Variants in ADAMTSL1 observed in about 807,000 individuals in gnomAD.
The protein encoded by ADAMTSL1 is ADAMTS like 1.
Under a neutral mutation model 201.8 loss-of-function variants are expected in ADAMTSL1, and 126 were observed. The ratio of observed to expected loss-of-function variants is 0.62; its 90% CI spans 0.54 to 0.72. The LOEUF (loss-of-function observed/expected upper bound fraction) is 0.72. Ranked by LOEUF, ADAMTSL1 falls within the 30% of genes least tolerant of loss-of-function variation. The probability of loss-of-function intolerance (pLI) is 0.00; values close to 1 mark genes in which losing one functional copy is unlikely to be tolerated. For missense variants in ADAMTSL1, 2,679 were observed against 2,277.8 expected (o/e 1.18, Z -3.59); for synonymous variants, 1,121 against 903.4 (o/e 1.24, Z -4.32).
At chr9:18,527,400 C>T (rs991675806) in intron 2 of ADAMTSL1, among the ~76,000 whole-genome samples, 1 of 152,090 alleles carries the variant, frequency 6.6e-6, no homozygotes, top group African/African-American at 2.4e-5. Context: ...ATAAGTCTGG[C>T]TATGTCACCA....
chr9:18,112,258 C>A (rs1035415997), intron 1 of ADAMTSL1, among the ~76,000 whole-genome samples: 11 of 152,116 alleles, frequency 7.2e-5, no homozygotes, highest in African/African-American at 2.4e-4. Context: ...CTTAGTCCAT[C>A]TGAGTTCACC....
chr9:18,053,752 T>TA (rs1822046556), intron 1 of ADAMTSL1, among the ~76,000 whole-genome samples: 1 of 152,208 alleles, frequency 6.6e-6, no homozygotes, highest in Non-Finnish European at 1.5e-5. Context: ...GGCTCCGAGT[T>TA]TACTGAGCAC....
chr9:18,228,986 G>A (rs1024880964), intron 2 of ADAMTSL1, among the ~76,000 whole-genome samples: 5 of 151,318 alleles, frequency 3.3e-5, no homozygotes, highest in African/African-American at 7.3e-5. Flanking sequence ...TTCTCTTCAC[G>A]CGCTTGATAT....
At chr9:18,038,409 GGC>G (rs1162707963) in intron 1 of ADAMTSL1, among the ~76,000 whole-genome samples, 1 of 151,970 alleles carries the variant, frequency 6.6e-6, no homozygotes, top group East Asian at 1.9e-4. Flanking sequence ...AAATCAAGAA[GGC>G]CCTAACCTCC....
chr9:18,472,449 G>T (rs1821252456), upstream of ADAMTSL1, among the ~76,000 whole-genome samples: 1 of 152,058 alleles, frequency 6.6e-6, no homozygotes, highest in Admixed American at 6.6e-5. Context: ...CATTTTTCTA[G>T]GTCCACATAC....
intron 17 of ADAMTSL1, among the ~76,000 whole-genome samples, chr9:18,772,607 G>A (rs1165858052): frequency 6.6e-6 from 1 of 152,112 alleles, no homozygotes; most frequent in Non-Finnish European, 1.5e-5. Context: ...TCTGTATAAT[G>A]GAAATATAAT....
chr9:18,181,987 A>G (rs1254571886), intron 2 of ADAMTSL1, among the ~76,000 whole-genome samples: 2 of 152,152 alleles, frequency 1.3e-5, no homozygotes, highest in African/African-American at 2.4e-5. Flanking sequence ...TGTCCTTTGT[A>G]GGGACATGGA....
intron 1 of ADAMTSL1, among the ~76,000 whole-genome samples, chr9:18,130,819 A>G (rs1825919886): frequency 6.6e-6 from 1 of 152,120 alleles, no homozygotes; most frequent in African/African-American, 2.4e-5. Flanking sequence ...CTACAGCCTT[A>G]GAACATGAGC....
chr9:18,507,421 T>G (rs539461346), intron 2 of ADAMTSL1, among the ~76,000 whole-genome samples: 15 of 152,340 alleles, frequency 9.8e-5, no homozygotes, highest in African/African-American at 3.4e-4. Context: ...AGTGACTAAG[T>G]AAATACCTTT....
At chr9:18,342,392 G>C (rs1017804945) in intron 2 of ADAMTSL1, among the ~76,000 whole-genome samples, 1 of 152,088 alleles carries the variant, frequency 6.6e-6, no homozygotes, top group Non-Finnish European at 1.5e-5. Context: ...ATCTCAAGTG[G>C]TAAGAAGCAT....
intron 1 of ADAMTSL1, among the ~76,000 whole-genome samples, chr9:18,057,139 G>A (rs544180310): frequency 3.7e-4 from 56 of 152,236 alleles, no homozygotes; most frequent in African/African-American, 1.2e-3. Flanking sequence ...GGCAGGTAGC[G>A]GTTTTTCTAG....
intron 1 of ADAMTSL1, among the ~76,000 whole-genome samples, chr9:18,494,123 G>A (rs1822403008): frequency 6.6e-6 from 1 of 152,150 alleles, no homozygotes; most frequent in Admixed American, 6.5e-5. Flanking sequence ...TTGGGAGGCA[G>A]AAACGGGTGG....
intron 5 of ADAMTSL1, among the ~76,000 whole-genome samples, chr9:18,625,283 T>A (rs1385887035): frequency 6.6e-6 from 1 of 152,042 alleles, no homozygotes; most frequent in Non-Finnish European, 1.5e-5. Context: ...TTTTTTTTTT[T>A]TTTCCCTTAT....
intron 1 of ADAMTSL1, among the ~76,000 whole-genome samples, chr9:18,046,929 A>G (rs1179649949): frequency 6.6e-6 from 1 of 152,178 alleles, no homozygotes; most frequent in Non-Finnish European, 1.5e-5. Flanking sequence ...CTTCTGCAGT[A>G]TGTCAGCAAT....
At chr9:18,018,971 G>C (rs1435229358) in intron 1 of ADAMTSL1, among the ~76,000 whole-genome samples, 38 of 152,038 alleles carry the variant, frequency 2.5e-4, no homozygotes. Context: ...AGTACTTTTA[G>C]GAGAATGTTA....
chr9:18,516,352 G>A (rs570949586), intron 2 of ADAMTSL1, among the ~76,000 whole-genome samples: 2 of 152,162 alleles, frequency 1.3e-5, no homozygotes, highest in Non-Finnish European at 2.9e-5. Flanking sequence ...GAGGCAGGAA[G>A]AATAACTTAT....
chr9:18,480,363 C>A (rs776877090), intron 1 of ADAMTSL1, among the ~76,000 whole-genome samples: 1 of 152,158 alleles, frequency 6.6e-6, no homozygotes, highest in Non-Finnish European at 1.5e-5. Context: ...ATCCTCCAAG[C>A]ATCAAACACT....
At chr9:18,721,410 C>G in intron 14 of ADAMTSL1, 126 bp from the exon 15 acceptor site, 1 of 1,349,628 alleles carries the variant, frequency 7.4e-7, no homozygotes, top group East Asian at 2.4e-5. Context: ...AAACTGCCAT[C>G]TCTGACATAC....
chr9:18,502,489 G>A (rs1025417065), intron 1 of ADAMTSL1, among the ~76,000 whole-genome samples: 2 of 152,186 alleles, frequency 1.3e-5, no homozygotes, highest in African/African-American at 4.8e-5. Context: ...GGGCTATGGA[G>A]AAGAAATTTG....
Sources: allele counts gnomAD v4.1 joint callset (sites outside exome capture counted in the v4.1 genomes callset), GRCh38; gene constraint gnomAD v4.1.1; transcripts MANE v1.5; gene names NCBI Gene and HGNC (gene_info 2026-07-23, HGNC 2026-07-21).